Variants in CNTN4 observed in about 807,000 individuals in gnomAD.
CNTN4 encodes the protein contactin 4.
A neutral mutation model predicts 122.5 loss-of-function variants in CNTN4; 77 were observed. The ratio of observed to expected loss-of-function variants is 0.63; its 90% CI spans 0.52 to 0.76. CNTN4 has a LOEUF of 0.76. Ranked by LOEUF, CNTN4 falls within the 30% of genes least tolerant of loss-of-function variation. CNTN4 has a pLI of 0.00. For synonymous variants in CNTN4, 512 were observed against 447.0 expected, an observed-to-expected ratio of 1.15 and a Z score of -1.83; for missense variants, 1,256 against 1,259.1, an observed-to-expected ratio of 1.00 and a Z score of 0.04.
At chr3:3,039,150 A>G in intron 19 of CNTN4, 147 bp downstream of exon 19, 1 of 726,286 alleles carries the variant, frequency 1.4e-6, no homozygotes, top group Non-Finnish European at 2.4e-6. Flanking sequence ...TCACGTAGCT[A>G]ATGGCTAGCA....
chr3:2,600,771 T>G (rs1392855161), intron 4 of CNTN4, among the ~76,000 whole-genome samples: 2 of 152,152 alleles, frequency 1.3e-5, no homozygotes, highest in Non-Finnish European at 2.9e-5. Flanking sequence ...TTGAGGAATC[T>G]CCACACTGTC....
rs972636083 is a variant in CNTN4 at position 2,211,569 on chromosome 3, A to G, written c.-145+110930A>G. 1.8e-4 allele frequency among the ~76,000 whole-genome samples: 28 copies of G among 152,178 alleles called. 1 individual carries two copies. Among genetic ancestry groups the G allele is most frequent in the Non-Finnish European group, 7.4e-5 (5 of 68,024 alleles). On this transcript the variant is annotated intron_variant, in intron 2 of 24. Transcript: ENST00000418658. ...CCCCTTTTAAAAAATTTTCATATAT[A>G]AGGCATTCTAAAACCTGTATGATAA... is the stretch of plus-strand genomic sequence containing the variant.
chr3:2,537,226 T>C (rs1479562430), intron 3 of CNTN4, among the ~76,000 whole-genome samples: 2 of 152,112 alleles, frequency 1.3e-5, no homozygotes, highest in Non-Finnish European at 2.9e-5. Context: ...ACAGTTGGAA[T>C]ACTGTCCCGA....
At chr3:2,389,054 C>T (rs71309893) in intron 3 of CNTN4, among the ~76,000 whole-genome samples, 28 of 144,494 alleles carry the variant, frequency 1.9e-4, no homozygotes, top group African/African-American at 4.9e-4. Context: ...CCAGCTACTC[C>T]GGAGGCTGAG....
At chr3:2,229,187 G>A (rs942153951) in intron 2 of CNTN4, among the ~76,000 whole-genome samples, 2 of 152,186 alleles carry the variant, frequency 1.3e-5, no homozygotes, top group African/African-American at 4.8e-5. Flanking sequence ...GAAAGGAATT[G>A]AGAAGTTATC....
intron 4 of CNTN4, among the ~76,000 whole-genome samples, chr3:2,687,378 A>T (rs1227440808): frequency 3.1e-5 from 2 of 65,264 alleles, no homozygotes; most frequent in Non-Finnish European, 6.6e-5. Context: ...CTGATAGACA[A>T]GGCCAAGCAC....
chr3:2,138,336 G>A (rs1228888049), intron 2 of CNTN4, among the ~76,000 whole-genome samples: 1 of 152,120 alleles, frequency 6.6e-6, no homozygotes, highest in Admixed American at 6.6e-5. Flanking sequence ...CCAAAGTGCC[G>A]GGATTACAGG....
At chr3:2,296,341 C>G (rs1425763875) in intron 2 of CNTN4, among the ~76,000 whole-genome samples, 5 of 152,134 alleles carry the variant, frequency 3.3e-5, no homozygotes, top group Admixed American at 3.3e-4. Flanking sequence ...GTTTGTATCT[C>G]TTTTATTTCA....
intron 3 of CNTN4, among the ~76,000 whole-genome samples, chr3:2,482,442 A>AT (rs2076032328): frequency 6.6e-6 from 1 of 152,066 alleles, no homozygotes; most frequent in South Asian, 2.1e-4. Context: ...AAAAAAAAAA[A>AT]CCATTTTCTG....
At chr3:2,477,551 T>C (rs977813008) in intron 3 of CNTN4, among the ~76,000 whole-genome samples, 8 of 152,112 alleles carry the variant, frequency 5.3e-5, no homozygotes, top group Non-Finnish European at 1.0e-4. Flanking sequence ...GGCAGCCCAG[T>C]TAGAAAGCAC....
intron 3 of CNTN4, among the ~76,000 whole-genome samples, chr3:2,348,208 TATAAGTAGAGTAAATTAGATC>T (rs2150415528): frequency 6.6e-6 from 1 of 152,222 alleles, no homozygotes; most frequent in Admixed American, 6.5e-5. Context: ...TCTTGCATTT[TATAAGTAGAGTAAATTAGATC>T]ATATACTTAA....
intron 13 of CNTN4, among the ~76,000 whole-genome samples, chr3:2,935,271 C>CAT (rs1008866854): frequency 1.6e-4 from 24 of 152,196 alleles, no homozygotes; most frequent in African/African-American, 5.1e-4. Flanking sequence ...TAACTCAAGA[C>CAT]ATATATATGG....
intron 2 of CNTN4, among the ~76,000 whole-genome samples, chr3:2,122,707 T>G (rs147881557): frequency 6.6e-6 from 1 of 152,384 alleles, no homozygotes; most frequent in Non-Finnish European, 1.5e-5. Context: ...GAAATTATCA[T>G]AATTTACATT....
At chr3:2,434,511 G>C (rs571979887) in intron 3 of CNTN4, among the ~76,000 whole-genome samples, 1 of 152,272 alleles carries the variant, frequency 6.6e-6, no homozygotes, top group African/African-American at 2.4e-5. Flanking sequence ...GATTGGTGCA[G>C]CATCTGAGGG....
chr3:2,801,046 C>A (rs1438543894), intron 6 of CNTN4, among the ~76,000 whole-genome samples: 1 of 152,190 alleles, frequency 6.6e-6, no homozygotes, highest in Non-Finnish European at 1.5e-5. Context: ...TTCTAACACA[C>A]TATGTCATTT....
rs561886194 is a variant in CNTN4, at chr3:2,533,212, C to T, written c.-88-38204C>T. 3.3e-5 allele frequency among the ~76,000 whole-genome samples: 5 copies of T among 151,554 alleles called. No individual in the cohort carries two copies. In the South Asian group the frequency reaches 8.4e-4, roughly 25 times the overall value. On this transcript the variant is annotated intron_variant, in intron 3 of 24. Coordinates refer to ENST00000418658, the MANE Select transcript of CNTN4 (RefSeq NM_175607.3). The stretch of plus-strand genomic sequence containing the variant: ...GGTTTGTTTCATATGTATACATGTG[C>T]CATGTTGGTGTGCTGCACCCATTAA...
At chr3:2,390,064 A>G (rs546069183) in intron 3 of CNTN4, among the ~76,000 whole-genome samples, 1 of 152,322 alleles carries the variant, frequency 6.6e-6, no homozygotes, top group South Asian at 2.1e-4. Context: ...GTGTTTACAT[A>G]ATAATACTAT....
intron 3 of CNTN4, among the ~76,000 whole-genome samples, chr3:2,377,442 A>C (rs1437389120): frequency 6.6e-6 from 1 of 152,202 alleles, no homozygotes; most frequent in Non-Finnish European, 1.5e-5. Flanking sequence ...TCACCAAGAG[A>C]TGTGTTACTT....
chr3:2,264,187 C>G (rs1272222011), intron 2 of CNTN4, among the ~76,000 whole-genome samples: 1 of 152,112 alleles, frequency 6.6e-6, no homozygotes, highest in Non-Finnish European at 1.5e-5. Context: ...TGAGGAAACT[C>G]CTTACTTTTT....
Sources: gnomAD v4.1 joint callset for allele counts (sites outside exome capture counted in the v4.1 genomes callset) on GRCh38, gnomAD v4.1.1 for gene constraint, MANE v1.5 for transcripts, NCBI Gene and HGNC (gene_info 2026-07-23, HGNC 2026-07-21) for gene names.